Variants in PTPRD observed in about 807,000 individuals in gnomAD.
PTPRD encodes the protein protein tyrosine phosphatase receptor type D, also known as receptor-type tyrosine-protein phosphatase delta.
In PTPRD, 34 loss-of-function variants were observed where a neutral mutation model predicts 214.5. That is an observed-to-expected ratio of 0.16 (90% CI 0.12 to 0.21). The LOEUF is 0.21. Among genes scored for constraint, PTPRD ranks in the 10% least tolerant of loss-of-function variants. The pLI is 1.00. For missense variants in PTPRD, 2,545 were observed against 2,398.7 expected (o/e 1.06, Z -1.27); for synonymous variants, 1,128 against 845.7 (o/e 1.33, Z -5.79).
chr9:9,685,980 CTG>C (rs1470796243), intron 7 of PTPRD, among the ~76,000 whole-genome samples: 2 of 151,090 alleles, frequency 1.3e-5, no homozygotes, highest in Admixed American at 1.3e-4. Context: ...GTATTGGTAA[CTG>C]AAAAAATCTT....
At chr9:9,963,439 T>C (rs557194272) in intron 4 of PTPRD, among the ~76,000 whole-genome samples, 21 of 152,296 alleles carry the variant, frequency 1.4e-4, no homozygotes, top group African/African-American at 5.1e-4. Context: ...AATTAACCTC[T>C]GCTTTCTACC....
intron 10 of PTPRD, among the ~76,000 whole-genome samples, chr9:9,051,533 T>C (rs2099685499): frequency 6.6e-6 from 1 of 152,296 alleles, no homozygotes; most frequent in African/African-American, 2.4e-5. Context: ...TCTTTCTTCA[T>C]TTTTTAACAT....
At chr9:8,501,908 A>G (rs1364303199) in intron 23 of PTPRD, among the ~76,000 whole-genome samples, 1 of 152,238 alleles carries the variant, frequency 6.6e-6, no homozygotes, top group Admixed American at 6.5e-5. Context: ...GGTAAAATCA[A>G]TAATAATCAT....
In PTPRD at chr9:9,641,467, C is replaced by A. The variant is rs1037855091; in HGVS notation, c.-286-66686G>T. On this transcript the variant is annotated intron_variant, in intron 7 of 45. Transcript: ENST00000381196. ...CATTTTTAACCCCATGAACTGAGCA[C>A]ACTCCCCGCTAGAAATGATAAGAGG... 1.3e-5 allele frequency among the ~76,000 whole-genome samples: 2 copies of A among 152,102 alleles called. 1 individual carries two copies. Among genetic ancestry groups the A allele is most frequent in the South Asian group, 4.1e-4 (2 of 4,832 alleles).
At chr9:8,909,408 T>C (rs2098731359) in intron 11 of PTPRD, among the ~76,000 whole-genome samples, 1 of 152,210 alleles carries the variant, frequency 6.6e-6, no homozygotes, top group Non-Finnish European at 1.5e-5. Flanking sequence ...GAATTATATA[T>C]ATTGATCGAG....
chr9:9,415,611 C>T (rs1165463914), intron 8 of PTPRD, among the ~76,000 whole-genome samples: 1 of 152,098 alleles, frequency 6.6e-6, no homozygotes, highest in East Asian at 1.9e-4. Context: ...ATAAATTCAA[C>T]AGACACTGAT....
intron 12 of PTPRD, among the ~76,000 whole-genome samples, chr9:8,677,216 A>C (rs2097441832): frequency 6.6e-6 from 1 of 152,228 alleles, no homozygotes; most frequent in Admixed American, 6.5e-5. Context: ...GGATGCATGC[A>C]CACATACATT....
At chr9:9,757,630 G>T (rs1372471743) in intron 6 of PTPRD, among the ~76,000 whole-genome samples, 1 of 151,834 alleles carries the variant, frequency 6.6e-6, no homozygotes, top group Non-Finnish European at 1.5e-5. Context: ...TAATATATTA[G>T]CCACTAGAAT....
At chr9:10,257,408 C>A (rs2093364331) in intron 3 of PTPRD, among the ~76,000 whole-genome samples, 1 of 152,124 alleles carries the variant, frequency 6.6e-6, no homozygotes, top group Admixed American at 6.5e-5. Context: ...GGGCATCCTT[C>A]TGAGCAAAAT....
chr9:9,605,064 C>A (rs929775848), intron 7 of PTPRD, among the ~76,000 whole-genome samples: 1 of 151,966 alleles, frequency 6.6e-6, no homozygotes, highest in Non-Finnish European at 1.5e-5. Flanking sequence ...TTGAATGGAA[C>A]TTACAAAGCA....
intron 3 of PTPRD, among the ~76,000 whole-genome samples, chr9:10,291,895 A>G (rs1195719699): frequency 6.6e-6 from 1 of 152,064 alleles, no homozygotes; most frequent in Non-Finnish European, 1.5e-5. Flanking sequence ...TATAGTACTG[A>G]TAAGTGCACC....
chr9:10,456,474 C>T (rs1244794801), intron 2 of PTPRD, among the ~76,000 whole-genome samples: 1 of 151,884 alleles, frequency 6.6e-6, no homozygotes, highest in African/African-American at 2.4e-5. Flanking sequence ...TCTAGAGACA[C>T]ATTAAATCCA....
intron 5 of PTPRD, among the ~76,000 whole-genome samples, chr9:9,820,617 G>A (rs1431986350): frequency 6.6e-6 from 1 of 152,042 alleles, no homozygotes; most frequent in Admixed American, 6.6e-5. Flanking sequence ...GTGGTTTGAG[G>A]TCTTACATTT....
chr9:10,211,651 A>C (rs2099517577), intron 3 of PTPRD, among the ~76,000 whole-genome samples: 1 of 152,214 alleles, frequency 6.6e-6, no homozygotes, highest in Admixed American at 6.5e-5. Flanking sequence ...TTTTGCCCCA[A>C]CATGGATGGA....
chr9:9,985,458 G>A (rs960307598), intron 4 of PTPRD, among the ~76,000 whole-genome samples: 6 of 151,972 alleles, frequency 3.9e-5, no homozygotes, highest in African/African-American at 1.2e-4. Flanking sequence ...ACATGCTGGG[G>A]CCATGCCATA....
At chr9:8,538,532 TA>T (rs562566214) in intron 14 of PTPRD, among the ~76,000 whole-genome samples, 105 of 151,322 alleles carry the variant, frequency 6.9e-4, no homozygotes, top group Middle Eastern at 6.8e-3. Flanking sequence ...TCAAATGTTA[TA>T]AAAAAAAGAA....
chr9:8,704,749 C>T (rs1250041678), intron 12 of PTPRD, among the ~76,000 whole-genome samples: 1 of 130,790 alleles, frequency 7.6e-6, no homozygotes, highest in East Asian at 2.5e-4. Context: ...CAAATCTCTA[C>T]TAAAAATACA....
chr9:9,552,834 T>C (rs1414197530), intron 8 of PTPRD, among the ~76,000 whole-genome samples: 1 of 152,092 alleles, frequency 6.6e-6, no homozygotes, highest in Non-Finnish European at 1.5e-5. Context: ...AAAAGTCATT[T>C]GCTGACAGTA....
intron 2 of PTPRD, among the ~76,000 whole-genome samples, chr9:10,489,538 G>A (rs559216597): frequency 6.6e-6 from 1 of 152,240 alleles, no homozygotes; most frequent in African/African-American, 2.4e-5. Context: ...AGAAGTTGTA[G>A]TCCTTGTGGC....
Sources: gnomAD v4.1 joint callset for allele counts (sites outside exome capture counted in the v4.1 genomes callset) on GRCh38, gnomAD v4.1.1 for gene constraint, MANE v1.5 for transcripts, NCBI Gene and HGNC (gene_info 2026-07-23, HGNC 2026-07-21) for gene names.